PTPRM: variants seen among roughly 807,000 people sequenced by gnomAD.
PTPRM encodes the protein receptor-type tyrosine-protein phosphatase mu.
In PTPRM, 47 loss-of-function variants were observed where a neutral mutation model predicts 186.7. The observed-to-expected ratio is 0.25, with a 90% confidence interval of 0.20 to 0.32. The LOEUF is 0.32. Ranked by LOEUF, PTPRM falls within the 10% of genes least tolerant of loss-of-function variation. The pLI is 1.00. For missense variants in PTPRM, 1,494 were observed against 1,865.0 expected, an observed-to-expected ratio of 0.80 and a Z score of 3.66; for synonymous variants, 668 against 674.9, an observed-to-expected ratio of 0.99 and a Z score of 0.16.
At chr18:7,712,841 A>AC (rs2144792589) in intron 1 of PTPRM, among the ~76,000 whole-genome samples, 1 of 152,146 alleles carries the variant, frequency 6.6e-6, no homozygotes, top group African/African-American at 2.4e-5. Flanking sequence ...AAAGGAACAA[A>AC]CCAAGTTTCC....
chr18:8,159,045 C>T (rs2093177385), intron 14 of PTPRM, among the ~76,000 whole-genome samples: 1 of 152,130 alleles, frequency 6.6e-6, no homozygotes, highest in Admixed American at 6.5e-5. Context: ...CTTCTTCTAA[C>T]ATAAATCTAA....
chr18:8,029,504 T>C (rs1015624982), intron 7 of PTPRM, among the ~76,000 whole-genome samples: 2 of 152,196 alleles, frequency 1.3e-5, no homozygotes, highest in African/African-American at 4.8e-5. Flanking sequence ...ACTCTTCTAG[T>C]CTTAGCTGGA....
chr18:7,638,257 G>A (rs745929531), intron 1 of PTPRM, among the ~76,000 whole-genome samples: 2 of 152,166 alleles, frequency 1.3e-5, no homozygotes, highest in Non-Finnish European at 2.9e-5. Context: ...ATCTGTAAGA[G>A]GAGAGTGTTT....
At chr18:8,355,183 A>T (rs1302064780) in intron 23 of PTPRM, among the ~76,000 whole-genome samples, 2 of 152,172 alleles carry the variant, frequency 1.3e-5, no homozygotes, top group African/African-American at 4.8e-5. Flanking sequence ...GCATCAAGCA[A>T]AGGGATGAAA....
intron 2 of PTPRM, among the ~76,000 whole-genome samples, chr18:7,824,825 G>A (rs1482705170): frequency 6.6e-6 from 1 of 152,198 alleles, no homozygotes; most frequent in Non-Finnish European, 1.5e-5. Flanking sequence ...TGCCCTGGAT[G>A]TCAGTGCATG....
intron 32 of PTPRM, among the ~76,000 whole-genome samples, chr18:8,397,225 A>C (rs574683223): frequency 6.6e-6 from 1 of 152,348 alleles, no homozygotes; most frequent in Admixed American, 6.5e-5. Context: ...GTGTGGCTGC[A>C]TTCCCTCATG....
chr18:8,393,261 C>T (rs138196069), intron 31 of PTPRM, among the ~76,000 whole-genome samples: 16 of 152,258 alleles, frequency 1.1e-4, no homozygotes, highest in African/African-American at 2.9e-4. Flanking sequence ...GTTTTCTTAC[C>T]GAAATGCACG....
chr18:7,691,617 G>C (rs2039734545), intron 1 of PTPRM, among the ~76,000 whole-genome samples: 1 of 152,104 alleles, frequency 6.6e-6, no homozygotes, highest in Non-Finnish European at 1.5e-5. Flanking sequence ...TAAGAAGTCA[G>C]AGCGTGAGGC....
chr18:8,136,194 C>T (rs1232925227), intron 13 of PTPRM, among the ~76,000 whole-genome samples: 1 of 152,212 alleles, frequency 6.6e-6, no homozygotes, highest in Non-Finnish European at 1.5e-5. Flanking sequence ...CAGCCACCCC[C>T]ACTTCCTTTC....
chr18:8,012,905 A>C (rs1325136486), intron 7 of PTPRM, among the ~76,000 whole-genome samples: 1 of 152,080 alleles, frequency 6.6e-6, no homozygotes, highest in Non-Finnish European at 1.5e-5. Context: ...CACATGAAAG[A>C]GCTGGACTAC....
chr18:8,095,460 GA>G (rs768048520), intron 11 of PTPRM, among the ~76,000 whole-genome samples: 1 of 152,122 alleles, frequency 6.6e-6, no homozygotes, highest in Non-Finnish European at 1.5e-5. Context: ...TAATCAGAGA[GA>G]GGGGTGGGAT....
intron 4 of PTPRM, among the ~76,000 whole-genome samples, chr18:7,924,410 C>G (rs892750059): frequency 1.3e-5 from 2 of 152,098 alleles, no homozygotes; most frequent in African/African-American, 4.8e-5. Context: ...CTTTTGGCTT[C>G]TAATATATTC....
intron 4 of PTPRM, among the ~76,000 whole-genome samples, chr18:7,907,627 C>G (rs1190845484): frequency 6.6e-6 from 1 of 152,164 alleles, no homozygotes; most frequent in Non-Finnish European, 1.5e-5. Context: ...AGATCATGCA[C>G]TCATTCATGC....
chr18:7,656,518 C>T (rs2144335499), intron 1 of PTPRM, among the ~76,000 whole-genome samples: 1 of 152,180 alleles, frequency 6.6e-6, no homozygotes, highest in Middle Eastern at 3.4e-3. Context: ...GGTTGCTTAA[C>T]ACTGTAAATG....
chr18:8,359,505 T>C (rs2095583881), intron 23 of PTPRM, among the ~76,000 whole-genome samples: 1 of 152,268 alleles, frequency 6.6e-6, no homozygotes, highest in Non-Finnish European at 1.5e-5. Context: ...CTGGACTTCT[T>C]GTCTCTTTGC....
chr18:8,095,883 A>G (rs2090992871), intron 11 of PTPRM, among the ~76,000 whole-genome samples: 1 of 152,222 alleles, frequency 6.6e-6, no homozygotes, highest in Non-Finnish European at 1.5e-5. Context: ...CCTAGCAATG[A>G]CTTTCCAATA....
At chr18:7,901,565 C>G (rs1029732615) in intron 3 of PTPRM, among the ~76,000 whole-genome samples, 2 of 152,114 alleles carry the variant, frequency 1.3e-5, no homozygotes, top group Admixed American at 1.3e-4. Flanking sequence ...CGGGTTTCAC[C>G]ATGTTGGCCA....
chr18:7,735,994 G>A (rs1478658294), intron 1 of PTPRM, among the ~76,000 whole-genome samples: 1 of 151,440 alleles, frequency 6.6e-6, no homozygotes, highest in Non-Finnish European at 1.5e-5. Flanking sequence ...ATTGATTGAT[G>A]CCCTTTGTCT....
At chr18:8,221,604 T>C (rs7230842) in intron 14 of PTPRM, among the ~76,000 whole-genome samples, 17,817 of 152,218 alleles carry the variant, frequency 0.12, 1,151 homozygotes, top group Non-Finnish European at 0.15. Flanking sequence ...ACAGCTCCAT[T>C]GGTTACAGCC....
Sources: gnomAD v4.1 joint callset for allele counts (sites outside exome capture counted in the v4.1 genomes callset) on GRCh38, gnomAD v4.1.1 for gene constraint, MANE v1.5 for transcripts, NCBI Gene and HGNC (gene_info 2026-07-23, HGNC 2026-07-21) for gene names.